The following TTLL5 variants were observed in gnomAD, a reference collection of about 807,000 sequenced individuals.
TTLL5 encodes tubulin polyglutamylase TTLL5.
In TTLL5, 132 loss-of-function variants were observed where a neutral mutation model predicts 168.4. The ratio of observed to expected loss-of-function variants is 0.78; its 90% CI spans 0.68 to 0.91. The LOEUF is 0.91. TTLL5 is among the 40% of genes least tolerant of loss of function. The probability of loss-of-function intolerance (pLI) is 0.00; values close to 1 mark genes in which losing one functional copy is unlikely to be tolerated. For synonymous variants in TTLL5, 546 were observed against 558.6 expected (o/e 0.98, Z 0.32); for missense variants, 1,545 against 1,581.5 (o/e 0.98, Z 0.39).
chr14:75,743,471 T>C (rs1475833553), intron 15 of TTLL5, among the ~76,000 whole-genome samples: 1 of 151,956 alleles, frequency 6.6e-6, no homozygotes, highest in Non-Finnish European at 1.5e-5. Context: ...TTCTGTTGGC[T>C]TATAGGTCTC....
rs565920732 is a variant in TTLL5, at chr14:75,927,276, C to G, written c.3823+25052C>G. Among the ~76,000 whole-genome samples, 3 of 152,250 alleles carry G rather than the reference C, an allele frequency of 2.0e-5. No individual in the cohort carries two copies. The South Asian group carries it at 6.2e-4, about 32-fold the overall frequency. ...ACAATCCAATTATACTATTTTATAACATACAATTAAGTTATTGTTAACTAT... is the reference window on the plus strand; with the variant it reads ...ACAATCCAATTATACTATTTTATAAGATACAATTAAGTTATTGTTAACTAT... On this transcript the variant is annotated intron_variant, in intron 31 of 31. Coordinates refer to ENST00000298832, the MANE Select transcript of TTLL5 (RefSeq NM_015072.5).
At position 75,690,334 on chromosome 14, in the gene TTLL5, A is replaced by G. The variant is rs1304877484; in HGVS notation, c.502+12A>G. ...CGCGGAATTTTGTAGTAAGTGCTTGACAGAGAATGCCCCAGTCCCCAGCAA... is the reference window on the plus strand; with the variant it reads ...CGCGGAATTTTGTAGTAAGTGCTTGGCAGAGAATGCCCCAGTCCCCAGCAA... On this transcript the variant is annotated intron_variant, in intron 6 of 31. Transcript: ENST00000298832. 1 of 1,597,732 alleles carries G rather than the reference A, an allele frequency of 6.3e-7. No individual in the cohort carries two copies. The highest frequency in any genetic ancestry group is 1.8e-5 in the Admixed American group (1 of 55,348).
At chr14:75,915,568 C>T (rs949444076) in intron 31 of TTLL5, among the ~76,000 whole-genome samples, 2 of 152,216 alleles carry the variant, frequency 1.3e-5, no homozygotes, top group African/African-American at 2.4e-5. Flanking sequence ...AATCACTTAA[C>T]CTCTTTCAGC....
At chr14:75,882,013 C>T (rs2031841484) in intron 29 of TTLL5, among the ~76,000 whole-genome samples, 1 of 152,280 alleles carries the variant, frequency 6.6e-6, no homozygotes, top group African/African-American at 2.4e-5. Flanking sequence ...CGATTGTATT[C>T]ATGTAACTAG....
At chr14:75,887,478 T>G in intron 30 of TTLL5, among the ~76,000 whole-genome samples, 1 of 152,222 alleles carries the variant, frequency 6.6e-6, no homozygotes, top group East Asian at 1.9e-4. Context: ...TAGTTGAATC[T>G]ATAACATATT....
intron 27 of TTLL5, among the ~76,000 whole-genome samples, chr14:75,796,925 A>G (rs1399312607): frequency 6.6e-6 from 1 of 152,096 alleles, no homozygotes; most frequent in East Asian, 1.9e-4. Flanking sequence ...TTTTGGTTCC[A>G]TATGAATTTC....
chr14:75,942,953 A>T (rs1024370921), intron 31 of TTLL5, among the ~76,000 whole-genome samples: 3 of 152,228 alleles, frequency 2.0e-5, no homozygotes, highest in Non-Finnish European at 4.4e-5. Context: ...TATTTCATAA[A>T]TGCCAAGTGA....
At chr14:75,897,654 T>G (rs1371715693) in intron 30 of TTLL5, among the ~76,000 whole-genome samples, 1 of 151,874 alleles carries the variant, frequency 6.6e-6, no homozygotes, top group African/African-American at 2.4e-5. Flanking sequence ...TTTTGTATTT[T>G]TAGTAGAGAT....
Position 75,783,409 on chromosome 14 carries a change from A to G in TTLL5, c.2865A>G (p.Pro955=), listed in dbSNP as rs1281014709. The change falls in exon 26 of 32, where the codon CCA becomes CCG. Residue 955 remains proline (P), a synonymous_variant. Coordinates refer to ENST00000298832, the MANE Select transcript of TTLL5 (RefSeq NM_015072.5). ...PCLHPGAQNI[P]SPTGLPRCRS... is the part of the protein sequence containing the mutation. ...TACATCCCGGGGCACAGAACATCCC[A>G]AGCCCTACTGGCCTGCCACGCTGTC... 6.2e-7 allele frequency: 1 copy of G among 1,614,134 alleles called. No individual in the cohort carries two copies. Among genetic ancestry groups the G allele is most frequent in the South Asian group, 1.1e-5 (1 of 91,084 alleles).
intron 14 of TTLL5, 55 bp downstream of exon 14, chr14:75,734,105 A>T: frequency 6.4e-7 from 1 of 1,566,188 alleles, no homozygotes; most frequent in South Asian, 1.1e-5. Context: ...CGGAGCGTCC[A>T]TTTTATCAGA....
At chr14:75,813,270 TTGTGTGTG>T (rs58821426) in intron 27 of TTLL5, among the ~76,000 whole-genome samples, 2,187 of 130,676 alleles carry the variant, frequency 0.017, 32 homozygotes, top group African/African-American at 0.028. Flanking sequence ...GTGTGTGTGT[TTGTGTGTG>T]TGTGTGTGTG....
chr14:75,900,708 G>C (rs750020445), intron 30 of TTLL5, among the ~76,000 whole-genome samples: 2 of 151,998 alleles, frequency 1.3e-5, no homozygotes, highest in African/African-American at 4.8e-5. Flanking sequence ...CAATTTCCTC[G>C]TGAAACGCTC....
intron 31 of TTLL5, among the ~76,000 whole-genome samples, chr14:75,913,596 C>G (rs577291397): frequency 9.2e-5 from 14 of 151,974 alleles, no homozygotes; most frequent in Non-Finnish European, 1.9e-4. Context: ...AATAAGGTGA[C>G]AAATAAATAA....
Position 75,793,109 on chromosome 14 carries a change from G to T in TTLL5, c.3171+9G>T, listed in dbSNP as rs2140352083. 2 of 1,579,868 alleles carry T rather than the reference G, an allele frequency of 1.3e-6. No homozygotes were observed. The highest frequency in any genetic ancestry group is 1.7e-6 in the Non-Finnish European group (2 of 1,160,500). On this transcript the variant is annotated intron_variant, in intron 27 of 31. Transcript: ENST00000298832. Reference sequence around the variant, plus strand: ...ACCTCCTCACCCAACAGGTACGGATGGTCTGGGGTGTCCAAGAGCTCTTTG... The same window carrying T: ...ACCTCCTCACCCAACAGGTACGGATTGTCTGGGGTGTCCAAGAGCTCTTTG...
intron 17 of TTLL5, among the ~76,000 whole-genome samples, chr14:75,746,100 A>G (rs1889591369): frequency 6.6e-6 from 1 of 152,186 alleles, no homozygotes; most frequent in Admixed American, 6.5e-5. Context: ...CCTGGGCTTC[A>G]GACATTATGA....
chr14:75,720,120 C>T (rs1887748509), intron 11 of TTLL5, among the ~76,000 whole-genome samples: 1 of 152,196 alleles, frequency 6.6e-6, no homozygotes, highest in Non-Finnish European at 1.5e-5. Flanking sequence ...TTTTATATAA[C>T]AAATTGCCTG....
rs190683113 is a variant in TTLL5, at chr14:75,898,114, G to C, written c.3741-4028G>C. On this transcript the variant is annotated intron_variant, in intron 30 of 31. Transcript: ENST00000298832. ...TTTAGCCACTTCTTTATATTCTGGT[G>C]TACTATGACCAGAGAACATCAGATA... Among the ~76,000 whole-genome samples the C allele has an allele frequency of 1.6e-4, 24 of 152,248 alleles. No homozygotes were observed. In the East Asian group the frequency reaches 4.6e-3, roughly 29 times the overall value.
rs902299504 is a variant in TTLL5, at chr14:75,826,432, T to G, written c.3326+6271T>G. Among the ~76,000 whole-genome samples, 7 of 151,932 alleles carry G rather than the reference T, an allele frequency of 4.6e-5. No individual in the cohort carries two copies. In the South Asian group the frequency reaches 1.0e-3, roughly 23 times the overall value. On this transcript the variant is annotated intron_variant, in intron 28 of 31. Coordinates refer to ENST00000298832, the MANE Select transcript of TTLL5 (RefSeq NM_015072.5). Reference sequence around the variant, plus strand: ...GGTACATTTTAAATTATGTGTGTGTTTTTTTAACTACAACGTTAAAAAAAA... The same window carrying G: ...GGTACATTTTAAATTATGTGTGTGTGTTTTTAACTACAACGTTAAAAAAAA...
intron 30 of TTLL5, among the ~76,000 whole-genome samples, chr14:75,889,016 T>A (rs2032260945): frequency 6.6e-6 from 1 of 151,818 alleles, no homozygotes; most frequent in African/African-American, 2.4e-5. Context: ...AATAATAACA[T>A]TTTAGAAAAT....
Sources: gnomAD v4.1 joint callset for allele counts (sites outside exome capture counted in the v4.1 genomes callset) on GRCh38, gnomAD v4.1.1 for gene constraint, MANE v1.5 for transcripts, NCBI Gene and HGNC (gene_info 2026-07-23, HGNC 2026-07-21) for gene names.